STAT3: variants seen among roughly 807,000 people sequenced by gnomAD.
STAT3 encodes DNA-binding protein APRF.
In STAT3, 7 loss-of-function variants were observed where a neutral mutation model predicts 114.3. The ratio of observed to expected loss-of-function variants is 0.06; its 90% CI spans 0.03 to 0.11. The LOEUF (loss-of-function observed/expected upper bound fraction) is 0.11. Ranked by LOEUF, STAT3 falls within the 10% of genes least tolerant of loss-of-function variation. STAT3 has a pLI of 1.00. For synonymous variants in STAT3, 331 were observed against 354.5 expected (o/e 0.93, Z 0.74); for missense variants, 364 against 960.9 (o/e 0.38, Z 8.21).
At chr17:42,321,116 T>C (rs111666022) in intron 21 of STAT3, among the ~76,000 whole-genome samples, 238 of 82,500 alleles carry the variant, frequency 2.9e-3, no homozygotes, top group African/African-American at 0.012. Flanking sequence ...TTCTCTCTCT[T>C]TTTTTTTTTT....
chr17:42,344,378 C>T (rs1434720293), intron 4 of STAT3, among the ~76,000 whole-genome samples: 2 of 147,438 alleles, frequency 1.4e-5, no homozygotes, highest in Non-Finnish European at 3.0e-5. Context: ...GCTGAGATCA[C>T]GCCACTGCAC....
chr17:42,374,188 AGTGAAGTG>A (rs1468546365), intron 1 of STAT3: 8 of 152,228 alleles, frequency 5.3e-5, no homozygotes, highest in Non-Finnish European at 8.8e-5. Flanking sequence ...CCACAATGTA[AGTGAAGTG>A]GTGGCTGTGC....
chr17:42,379,905 A>G (rs2084679968), intron 1 of STAT3, among the ~76,000 whole-genome samples: 1 of 152,004 alleles, frequency 6.6e-6, no homozygotes. Flanking sequence ...TTTTTTTCCC[A>G]TTAGGTTAGA....
chr17:42,329,836 T>C lies in STAT3; in HGVS notation c.1110-60A>G, dbSNP rs1007851672. 7 of 1,580,436 alleles carry C rather than the reference T, an allele frequency of 4.4e-6. No individual in the cohort carries two copies. In the Admixed American group the frequency reaches 1.2e-4, roughly 27 times the overall value. On this transcript the variant is annotated intron_variant, in intron 11 of 23. Coordinates refer to ENST00000264657, the MANE Select transcript of STAT3 (RefSeq NM_139276.3). ...CTCTGTGTTTCTTCAAAAAGCCTACTTTGACCACCTGTTATTTACTGTCAT... is the reference window on the plus strand; with the variant it reads ...CTCTGTGTTTCTTCAAAAAGCCTACCTTGACCACCTGTTATTTACTGTCAT...
At chr17:42,371,293 G>C (rs898286792) in intron 1 of STAT3, among the ~76,000 whole-genome samples, 2 of 152,082 alleles carry the variant, frequency 1.3e-5, no homozygotes, top group African/African-American at 4.8e-5. Flanking sequence ...GTTTGCAGCA[G>C]GATGCAGGAG....
Position 42,388,372 on chromosome 17 carries a change from A to AG in STAT3, c.-118dup. On this transcript the variant is annotated 5_prime_UTR_variant, in exon 1 of 24. Coordinates refer to ENST00000264657, the MANE Select transcript of STAT3 (RefSeq NM_139276.3). ...CAGGCCGAAGGGCCTCTCCGAGCCGAGGGGGAGAGACAGCGCCAAGCCGGG... is the reference window on the plus strand; with the variant it reads ...CAGGCCGAAGGGCCTCTCCGAGCCGAGGGGGGAGAGACAGCGCCAAGCCGGG... The AG allele has an allele frequency of 3.2e-6, 4 of 1,231,616 alleles. No individual in the cohort carries two copies. Among genetic ancestry groups the AG allele is most frequent in the Non-Finnish European group, 4.0e-6 (4 of 987,886 alleles). The allele number at this position is 1,231,616 out of a possible 1,614,324, so 76.3% of individuals were successfully genotyped here.
chr17:42,381,977 G>A (rs1567761992), intron 1 of STAT3, among the ~76,000 whole-genome samples: 1 of 152,096 alleles, frequency 6.6e-6, no homozygotes, highest in Non-Finnish European at 1.5e-5. Context: ...AAGAACTGTG[G>A]TTCCTTGGCC....
chr17:42,374,546 G>A (rs2084345591), intron 1 of STAT3, among the ~76,000 whole-genome samples: 1 of 144,526 alleles, frequency 6.9e-6, no homozygotes, highest in African/African-American at 2.6e-5. Context: ...GGAGGCAGAG[G>A]TTGCAGTGAG....
In STAT3 at chr17:42,324,696, G is replaced by C. The variant is rs1317471654; in HGVS notation, c.1600+15C>G. On this transcript the variant is annotated intron_variant, in intron 17 of 23. Coordinates refer to ENST00000264657, the MANE Select transcript of STAT3 (RefSeq NM_139276.3). This position sits in a 1 kb window ranked among gnomAD's most constrained non-coding sequence, Gnocchi z 4.5. The stretch of plus-strand genomic sequence containing the variant: ...TGGGCGGGTGGGCGGGAGGGAGAAG[G>C]GGTGAAATGCGGACCCAAGAGTTTC... 6.3e-7 allele frequency: 1 copy of C among 1,599,770 alleles called. No homozygotes were observed. Among genetic ancestry groups the C allele is most frequent in the Non-Finnish European group, 8.5e-7 (1 of 1,173,186 alleles).
At position 42,358,181 on chromosome 17, in the gene STAT3, G is replaced by A. The variant is rs955772762; in HGVS notation, c.-23-9642C>T. Among the ~76,000 whole-genome samples the A allele has an allele frequency of 5.9e-5, 9 of 152,268 alleles. 1 individual carries two copies. Among genetic ancestry groups the A allele is most frequent in the Admixed American group, 2.0e-4 (3 of 15,288 alleles). On this transcript the variant is annotated intron_variant, in intron 1 of 23. Transcript: ENST00000264657. ...TAATTCTAGCACTTTGAGAGGCCAAGGTGGAAGAGGGATTGCTTGAGCTCA... is the reference window on the plus strand; with the variant it reads ...TAATTCTAGCACTTTGAGAGGCCAAAGTGGAAGAGGGATTGCTTGAGCTCA...
chr17:42,332,084 C>T (rs2082038551), intron 10 of STAT3, among the ~76,000 whole-genome samples: 2 of 151,644 alleles, frequency 1.3e-5, no homozygotes, highest in South Asian at 4.2e-4. Flanking sequence ...CGCGCCACCA[C>T]GCTCAGCTAA....
At chr17:42,351,620 A>G (rs913255745) in intron 1 of STAT3, among the ~76,000 whole-genome samples, 2 of 152,130 alleles carry the variant, frequency 1.3e-5, no homozygotes, top group Admixed American at 6.6e-5. Context: ...CACAGCTCCA[A>G]GGTATTTTCC....
intron 21 of STAT3, chr17:42,317,466 CTT>C (rs1214947424): frequency 1.7e-6 from 1 of 591,688 alleles, no homozygotes; most frequent in Non-Finnish European, 3.0e-6. Context: ...GCTGCAGAGA[CTT>C]TTCAGCATAA....
chr17:42,343,733 G>C, intron 4 of STAT3, among the ~76,000 whole-genome samples: 1 of 152,214 alleles, frequency 6.6e-6, no homozygotes, highest in East Asian at 1.9e-4. Context: ...GATTACAGGC[G>C]TGAGACATCG....
At chr17:42,345,702 G>A (rs767683381) in intron 3 of STAT3, 45 bp from the exon 4 acceptor site, 7 of 1,516,220 alleles carry the variant, frequency 4.6e-6, no homozygotes, top group African/African-American at 1.4e-5. Context: ...AGCAGACCAT[G>A]GAGATGTGGA....
intron 1 of STAT3, among the ~76,000 whole-genome samples, chr17:42,378,937 C>A (rs755284461): frequency 7.2e-5 from 11 of 152,126 alleles, no homozygotes; most frequent in Non-Finnish European, 1.5e-4. Flanking sequence ...AAGCTTTCAC[C>A]GAAGCAGGTG....
In STAT3 at chr17:42,326,106, C is replaced by T. The variant is rs1209139793; in HGVS notation, c.1365+10G>A. 12 of 1,613,852 alleles carry T rather than the reference C, an allele frequency of 7.4e-6. No homozygotes were observed. The East Asian group carries it at 1.1e-4, about 15-fold the overall frequency. ...ACGTAGCCTCTCACCGATTCTGCTG[C>T]AGAACTTACCTCTAGGTCAATCTTG... is the stretch of plus-strand genomic sequence containing the variant. On this transcript the variant is annotated intron_variant, in intron 15 of 23. Transcript: ENST00000264657.
rs2082340628 is a variant in STAT3 at position 42,339,197 on chromosome 17, A to C, written c.468+117T>G. On this transcript the variant is annotated intron_variant, in intron 5 of 23. Transcript: ENST00000264657. ...CTTGGGCCTGAGAGGTCGAGGCTGC[A>C]GTGAGCTGTGATCATGCCACTGCAG... is the stretch of plus-strand genomic sequence containing the variant. 3.1e-6 allele frequency: 3 copies of C among 979,694 alleles called. No individual in the cohort carries two copies. In the Admixed American group the frequency reaches 6.1e-5, roughly 20 times the overall value. 60.7% of individuals were successfully genotyped at this position (979,694 alleles called of 1,614,324 possible). A position where few individuals can be genotyped will look rare whatever the true frequency, so the allele number is the denominator to read the frequency against.
intron 1 of STAT3, among the ~76,000 whole-genome samples, chr17:42,371,246 A>G (rs942553935): frequency 2.0e-5 from 3 of 152,136 alleles, no homozygotes; most frequent in African/African-American, 7.2e-5. Context: ...GCAAGTAGAC[A>G]GGAGACAACT....
Sources: gnomAD v4.1 joint callset for allele counts (sites outside exome capture counted in the v4.1 genomes callset) on GRCh38, gnomAD v4.1.1 for gene constraint, Gnocchi (gnomAD v3.1) non-coding constraint, MANE v1.5 for transcripts, NCBI Gene and HGNC (gene_info 2026-07-23, HGNC 2026-07-21) for gene names.